The following TEX11 variants were observed in gnomAD, a reference collection of about 807,000 sequenced individuals.
TEX11 encodes the protein testis-expressed protein 11.
In TEX11, 7 loss-of-function variants were observed where a neutral mutation model predicts 84.4. The observed-to-expected ratio is 0.08, with a 90% CI of 0.05 to 0.16. The LOEUF is 0.16. Among genes scored for constraint, TEX11 ranks in the 10% least tolerant of loss-of-function variants. The probability of loss-of-function intolerance (pLI) is 1.00; values close to 1 mark genes in which losing one functional copy is unlikely to be tolerated. For synonymous variants in TEX11, 264 were observed against 222.8 expected (o/e 1.18, Z -1.64); for missense variants, 551 against 660.5 (o/e 0.83, Z 1.82).
At chrX:70,585,628 A>G in intron 25 of TEX11, among the ~76,000 whole-genome samples, 2 of 112,512 alleles carry the variant, frequency 1.8e-5, no homozygotes, top group Middle Eastern at 9.2e-3. Flanking sequence ...CAGTAATAAA[A>G]CAGTGTGGTA....
chrX:70,887,044 G>T (rs1211866736), intron 2 of TEX11, among the ~76,000 whole-genome samples: 1 of 111,803 alleles, frequency 8.9e-6, no homozygotes, highest in Non-Finnish European at 1.9e-5. Flanking sequence ...CCCACAGTGG[G>T]TATGTACTCC....
At chrX:70,784,453 C>G (rs1249374868) in intron 9 of TEX11, among the ~76,000 whole-genome samples, 1 of 111,596 alleles carries the variant, frequency 9.0e-6, no homozygotes, top group Non-Finnish European at 1.9e-5. Flanking sequence ...CACTCCTATT[C>G]AACATAATGT....
rs754928292 is a variant in TEX11 at position 70,722,635 on chromosome X, C to T, written c.987G>A (p.Leu329=). 3.3e-6 allele frequency: 4 copies of T among 1,204,905 alleles called. No individual in the cohort carries two copies. The East Asian group carries it at 1.2e-4, about 36-fold the overall frequency. Reference sequence around the variant, plus strand: ...TTCTGTACCTTTCATGATCCATCAGCAGTTTAGCAATGTTCAGACAGAAGT... The same window carrying T: ...TTCTGTACCTTTCATGATCCATCAGTAGTTTAGCAATGTTCAGACAGAAGT... ...PLDFCLNIAK[L]LMDHERESVG... Residue 329 remains leucine (L), a synonymous_variant, in exon 13 of 30, where the codon CTG becomes CTA. Transcript: ENST00000374333.
Position 70,552,568 on chromosome X carries a change from A to G in TEX11, c.2400-322T>C, listed in dbSNP as rs139014474. 1.1e-3 allele frequency among the ~76,000 whole-genome samples: 124 copies of G among 111,307 alleles called. 1 individual carries two copies. In the East Asian group the frequency reaches 0.033, roughly 30 times the overall value. On this transcript the variant is annotated intron_variant, in intron 27 of 29. Coordinates refer to ENST00000374333, the MANE Select transcript of TEX11 (RefSeq NM_031276.3). The stretch of plus-strand genomic sequence containing the variant: ...TTAAAGCATCTCGGTACTTCCTCAA[A>G]TGGGCAAGGGAACTGGGGTTTAAAG...
intron 28 of TEX11, among the ~76,000 whole-genome samples, chrX:70,550,197 G>A (rs1172069383): frequency 1.8e-5 from 2 of 112,629 alleles, no homozygotes; most frequent in African/African-American, 6.5e-5. Context: ...ATATGCAGAA[G>A]GAGGAAAGTT....
chrX:70,663,452 C>T (rs746419787), intron 16 of TEX11, among the ~76,000 whole-genome samples: 6 of 111,657 alleles, frequency 5.4e-5, no homozygotes, highest in South Asian at 3.8e-4. Context: ...AGAAAGCTAT[C>T]GTGTTTCTCG....
intron 25 of TEX11, among the ~76,000 whole-genome samples, chrX:70,574,578 G>A (rs1414611208): frequency 9.0e-6 from 1 of 111,147 alleles, no homozygotes; most frequent in Non-Finnish European, 1.9e-5. Flanking sequence ...ACTCTCTAAT[G>A]ATATAATTTC....
chrX:70,838,398 G>A (rs766102204), intron 7 of TEX11, among the ~76,000 whole-genome samples: 1 of 111,953 alleles, frequency 8.9e-6, no homozygotes, highest in Non-Finnish European at 1.9e-5. Context: ...CCTCCAGCCT[G>A]GGCAACGGAG....
intron 8 of TEX11, among the ~76,000 whole-genome samples, chrX:70,817,290 T>A (rs2091293872): frequency 9.8e-6 from 1 of 101,740 alleles, no homozygotes; most frequent in African/African-American, 3.7e-5. Flanking sequence ...CACACACATA[T>A]GCTCTTTCCA....
At chrX:70,545,923 A>C (rs2088116837) in intron 28 of TEX11, among the ~76,000 whole-genome samples, 1 of 112,270 alleles carries the variant, frequency 8.9e-6, no homozygotes, top group South Asian at 3.7e-4. Flanking sequence ...AGTTGAGTCA[A>C]GAGCAGTCAG....
chrX:70,906,133 A>C (rs189316087), intron 2 of TEX11, among the ~76,000 whole-genome samples: 1,125 of 64,224 alleles, frequency 0.018, 64 homozygotes, highest in African/African-American at 0.058. Context: ...ATATATATAT[A>C]TCACAATGCT....
chrX:70,678,701 CAG>C lies in TEX11; in HGVS notation c.1242+101_1242+102del, dbSNP rs201634377. 1,174 of 608,030 alleles carry C rather than the reference CAG, an allele frequency of 1.9e-3. 13 individuals carry two copies. The African/African-American group carries it at 0.025, about 13-fold the overall frequency. The allele number at this position is 608,030 out of a possible 1,213,427, so 50.1% of individuals were successfully genotyped here. On this transcript the variant is annotated intron_variant, in intron 15 of 29. Transcript: ENST00000374333. ...AATAAATATATGGTATCTAAACAGACAGAGATTATTGAAGTATTTGATGCTCT... is the reference window on the plus strand; with the variant it reads ...AATAAATATATGGTATCTAAACAGACAGATTATTGAAGTATTTGATGCTCT...
chrX:70,593,008 C>T (rs2088953716), intron 24 of TEX11, among the ~76,000 whole-genome samples: 1 of 108,802 alleles, frequency 9.2e-6, no homozygotes, highest in South Asian at 4.1e-4. Flanking sequence ...AAGGGGTCTT[C>T]TTTTAATTGG....
intron 13 of TEX11, among the ~76,000 whole-genome samples, chrX:70,691,781 T>C: frequency 9.1e-6 from 1 of 109,743 alleles, no homozygotes; most frequent in South Asian, 3.9e-4. Context: ...ATGTATTATA[T>C]ACTTGAAATT....
At chrX:70,526,874 C>T (rs771106178), downstream of TEX11, among the ~76,000 whole-genome samples, 1 of 111,221 alleles carries the variant, frequency 9.0e-6, no homozygotes, top group South Asian at 3.8e-4. Context: ...CTTATTGTGC[C>T]ACAAAATAAG....
intron 28 of TEX11, among the ~76,000 whole-genome samples, chrX:70,538,060 C>G (rs2087985382): frequency 9.0e-6 from 1 of 111,283 alleles, no homozygotes; most frequent in Non-Finnish European, 1.9e-5. Context: ...GATGAGACCT[C>G]CATAAAAATT....
chrX:70,684,692 T>C (rs1176835798), intron 13 of TEX11, among the ~76,000 whole-genome samples: 1 of 112,191 alleles, frequency 8.9e-6, no homozygotes, highest in Non-Finnish European at 1.9e-5. Context: ...TGTTCATTGA[T>C]TGAAAGAATT....
At chrX:70,745,824 C>T (rs867206104) in intron 9 of TEX11, among the ~76,000 whole-genome samples, 1 of 111,980 alleles carries the variant, frequency 8.9e-6, no homozygotes, top group Non-Finnish European at 1.9e-5. Flanking sequence ...AGATATAATG[C>T]TGGCTTAGTC....
At chrX:70,662,240 C>T (rs1307689041) in intron 16 of TEX11, among the ~76,000 whole-genome samples, 3 of 111,130 alleles carry the variant, frequency 2.7e-5, no homozygotes, top group Non-Finnish European at 3.8e-5. Flanking sequence ...GTAGCCGATT[C>T]GATCAACTGG....
Sources: allele counts gnomAD v4.1 joint callset (sites outside exome capture counted in the v4.1 genomes callset), GRCh38; gene constraint gnomAD v4.1.1; transcripts MANE v1.5; gene names NCBI Gene and HGNC (gene_info 2026-07-23, HGNC 2026-07-21).